Variants in ETS1 observed in about 807,000 individuals in gnomAD.
ETS1 encodes the protein ETS proto-oncogene 1, transcription factor.
ETS1 carries 15 observed loss-of-function variants against 58.6 expected under a neutral mutation model. The observed-to-expected ratio is 0.26, with a 90% CI of 0.17 to 0.39. ETS1 has a LOEUF of 0.39. ETS1 is among the 10% of genes least tolerant of loss of function. ETS1 has a pLI of 1.00. For synonymous variants in ETS1, 214 were observed against 218.2 expected (o/e 0.98, Z 0.17); for missense variants, 417 against 610.5 (o/e 0.68, Z 3.34).
intron 3 of ETS1, among the ~76,000 whole-genome samples, chr11:128,525,789 A>C (rs566885494): frequency 6.6e-6 from 1 of 152,340 alleles, no homozygotes; most frequent in African/African-American, 2.4e-5. Context: ...TTAGTCATTA[A>C]AAGTCACACT....
intron 3 of ETS1, among the ~76,000 whole-genome samples, chr11:128,541,941 A>T (rs1864063800): frequency 6.6e-6 from 1 of 152,236 alleles, no homozygotes; most frequent in Non-Finnish European, 1.5e-5. Flanking sequence ...ACACGAGAAC[A>T]ATGTGGAAGA....
chr11:128,479,052 A>C (rs542226840), intron 8 of ETS1, among the ~76,000 whole-genome samples: 1 of 152,228 alleles, frequency 6.6e-6, no homozygotes, highest in South Asian at 2.1e-4. Context: ...ATGGAATGCA[A>C]TATAAGAGAG....
At chr11:128,563,641 C>T (rs898955492) in intron 2 of ETS1, among the ~76,000 whole-genome samples, 2 of 152,166 alleles carry the variant, frequency 1.3e-5, no homozygotes, top group African/African-American at 2.4e-5. Context: ...CCACGGTGGG[C>T]GAGCCTGCAG....
chr11:128,576,647 G>T (rs1006125498), intron 1 of ETS1, among the ~76,000 whole-genome samples: 1 of 152,102 alleles, frequency 6.6e-6, no homozygotes, highest in Non-Finnish European at 1.5e-5. Context: ...TCAGAAAGGA[G>T]GCTGCCCTGC....
chr11:128,554,428 AGAT>A (rs1864282053), intron 3 of ETS1, among the ~76,000 whole-genome samples: 1 of 152,202 alleles, frequency 6.6e-6, no homozygotes, highest in Non-Finnish European at 1.5e-5. Flanking sequence ...TATGAGAAGA[AGAT>A]GATATTACCC....
rs899951611 is a variant in ETS1, at chr11:128,580,651, A to G, written c.-15+6837T>C. On this transcript the variant is annotated intron_variant, in intron 1 of 9. Coordinates refer to ENST00000392668, the MANE Select transcript of ETS1 (RefSeq NM_001143820.2). ...AGTAGTGAATATTCCTTCTTATTTT[A>G]AGTAGCCAGCACTGACAAATGAAGG... 3.9e-5 allele frequency among the ~76,000 whole-genome samples: 6 copies of G among 152,332 alleles called. 1 individual carries two copies. The highest frequency in any genetic ancestry group is 1.4e-4 in the African/African-American group (6 of 41,572).
chr11:128,489,208 G>T, intron 5 of ETS1, 82 bp downstream of exon 5: 3 of 1,186,640 alleles, frequency 2.5e-6, no homozygotes, highest in Non-Finnish European at 3.8e-6. Context: ...AGGCATTGAC[G>T]TCCCACCATT....
intron 1 of ETS1, among the ~76,000 whole-genome samples, chr11:128,584,987 A>AAAGAAAGAAAGAAAGG (rs1344750707): frequency 1.4e-4 from 7 of 51,224 alleles, no homozygotes; most frequent in East Asian, 1.8e-3. Flanking sequence ...AGAAAGAAAG[A>AAAGAAAGAAAGAAAGG]AAGGAAGGAA....
intron 3 of ETS1, among the ~76,000 whole-genome samples, chr11:128,531,599 G>T (rs1863898918): frequency 6.6e-6 from 1 of 152,102 alleles, no homozygotes; most frequent in South Asian, 2.1e-4. Flanking sequence ...CATCCCTCTT[G>T]GATGAAAGGG....
chr11:128,583,288 G>T (rs1292653013), intron 1 of ETS1, among the ~76,000 whole-genome samples: 1 of 152,210 alleles, frequency 6.6e-6, no homozygotes, highest in Non-Finnish European at 1.5e-5. Flanking sequence ...GTAACCTCAG[G>T]TGCAATACAA....
At chr11:128,507,805 C>G (rs983473791) in intron 3 of ETS1, among the ~76,000 whole-genome samples, 3 of 152,180 alleles carry the variant, frequency 2.0e-5, no homozygotes, top group African/African-American at 7.2e-5. Context: ...GAAATGACGC[C>G]TGGGAGAACA....
rs1025910158 is a variant in ETS1 at position 128,460,593 on chromosome 11, G to A, written c.*1768C>T. On this transcript the variant is annotated 3_prime_UTR_variant, in exon 10 of 10. Coordinates refer to ENST00000392668, the MANE Select transcript of ETS1 (RefSeq NM_001143820.2). ...ATCCTTTCAACTGGGCAACTATAGA[G>A]TGAGGGAGATTCTAATTGTATTAGG... is the stretch of plus-strand genomic sequence containing the variant. 3 of 152,296 alleles carry A rather than the reference G, an allele frequency of 2.0e-5. No homozygotes were observed. The highest frequency in any genetic ancestry group is 7.2e-5 in the African/African-American group (3 of 41,426). The allele number at this position is 152,296 out of a possible 1,614,324, so 9.4% of individuals were successfully genotyped here.
rs139004385 is a variant in ETS1 at position 128,540,083 on chromosome 11, G to A, written c.214+16208C>T. ...TCCCAGCACTTTGGGAGGCCAAGGC[G>A]GGCGGATCACCTGAGGTCAGGAGTT... On this transcript the variant is annotated intron_variant, in intron 3 of 9. Coordinates refer to ENST00000392668, the MANE Select transcript of ETS1 (RefSeq NM_001143820.2). Among the ~76,000 whole-genome samples the A allele has an allele frequency of 2.2e-3, 335 of 152,238 alleles. 1 individual carries two copies. The highest frequency in any genetic ancestry group is 7.6e-3 in the African/African-American group (317 of 41,538).
chr11:128,490,711 G>A, intron 3 of ETS1, 135 bp from the exon 4 acceptor site: 1 of 522,484 alleles, frequency 1.9e-6, no homozygotes, highest in Non-Finnish European at 3.3e-6. Flanking sequence ...ACCAGAGCAG[G>A]CAATTTTTTT....
chr11:128,537,061 A>G (rs942150547), intron 3 of ETS1, among the ~76,000 whole-genome samples: 1 of 152,146 alleles, frequency 6.6e-6, no homozygotes, highest in African/African-American at 2.4e-5. Flanking sequence ...TGTCCAGGGT[A>G]CAGAGACTCT....
chr11:128,562,238 G>T (rs974123409), intron 2 of ETS1, among the ~76,000 whole-genome samples: 1 of 152,098 alleles, frequency 6.6e-6, no homozygotes, highest in African/African-American at 2.4e-5. Flanking sequence ...TTGAAACCCC[G>T]GCTCTATTAA....
intron 3 of ETS1, among the ~76,000 whole-genome samples, chr11:128,509,533 A>G (rs1430544483): frequency 6.8e-6 from 1 of 147,406 alleles, no homozygotes; most frequent in Non-Finnish European, 1.5e-5. Context: ...AAAATGCACC[A>G]TGGAAATCAG....
intron 3 of ETS1, among the ~76,000 whole-genome samples, chr11:128,520,927 C>T (rs745839121): frequency 6.6e-6 from 1 of 152,300 alleles, no homozygotes; most frequent in Non-Finnish European, 1.5e-5. Flanking sequence ...GGAGCCTGTT[C>T]TTGAAATTAA....
rs1861945354 is a variant in ETS1, at chr11:128,463,066, T to C, written c.1242+443A>G. ...CAGAACAAAGATGTTGTCTCTCCTG[T>C]TCATTGTTTTTTATCCTCAGAATTG... On this transcript the variant is annotated intron_variant, in intron 9 of 9. Transcript: ENST00000392668. This position sits in a 1 kb window ranked among gnomAD's most constrained non-coding sequence, Gnocchi z 4.1. Among the ~76,000 whole-genome samples the C allele has an allele frequency of 6.6e-6, 1 of 152,150 alleles. No individual in the cohort carries two copies. Among genetic ancestry groups the C allele is most frequent in the South Asian group, 2.1e-4 (1 of 4,826 alleles).
Sources: gnomAD v4.1 joint callset for allele counts (sites outside exome capture counted in the v4.1 genomes callset) on GRCh38, gnomAD v4.1.1 for gene constraint, Gnocchi (gnomAD v3.1) non-coding constraint, MANE v1.5 for transcripts, NCBI Gene and HGNC (gene_info 2026-07-23, HGNC 2026-07-21) for gene names.